SYNE3: variants seen among roughly 807,000 people sequenced by gnomAD.
SYNE3 encodes nesprin-3.
SYNE3 carries 100 observed loss-of-function variants against 111.2 expected under a neutral mutation model. The ratio of observed to expected loss-of-function variants is 0.90; its 90% CI spans 0.77 to 1.06. The LOEUF (loss-of-function observed/expected upper bound fraction) is 1.06. Ranked by LOEUF, SYNE3 falls within the 50% of genes least tolerant of loss-of-function variation. The pLI is 0.00. For synonymous variants in SYNE3, 547 were observed against 533.9 expected, an observed-to-expected ratio of 1.02 and a Z score of -0.34; for missense variants, 1,160 against 1,240.3, an observed-to-expected ratio of 0.94 and a Z score of 0.97.
In SYNE3 at chr14:95,481,845, G is replaced by T. The variant is rs544494157; in HGVS notation, c.-14-6010C>A. On this transcript the variant is annotated intron_variant, in intron 1 of 17. Coordinates refer to ENST00000682763, the MANE Select transcript of SYNE3 (RefSeq NM_152592.6). ...CCGAGATGCAATTTGGTCTCTGGGG[G>T]ACCAGGCTTGCAGGAAGGAAAGGAT... 5.3e-5 allele frequency among the ~76,000 whole-genome samples: 8 copies of T among 152,368 alleles called. No homozygotes were observed. The South Asian group carries it at 6.2e-4, about 12-fold the overall frequency.
intron 1 of SYNE3, among the ~76,000 whole-genome samples, chr14:95,504,863 T>G (rs1369613386): frequency 6.6e-6 from 1 of 151,938 alleles, no homozygotes; most frequent in East Asian, 1.9e-4. Context: ...AATAGGAGCC[T>G]CACACAATCA....
At chr14:95,482,038 C>T (rs559146981) in intron 1 of SYNE3, among the ~76,000 whole-genome samples, 28 of 152,360 alleles carry the variant, frequency 1.8e-4, no homozygotes, top group Middle Eastern at 3.4e-3. Context: ...TGGGTGGGGC[C>T]CCTACTTGGC....
chr14:95,452,962 A>G (rs1005632160), intron 6 of SYNE3, among the ~76,000 whole-genome samples: 7 of 152,152 alleles, frequency 4.6e-5, no homozygotes, highest in African/African-American at 1.7e-4. Flanking sequence ...AACATGTGCA[A>G]ACACTCCAGA....
intron 2 of SYNE3, among the ~76,000 whole-genome samples, chr14:95,473,264 T>A (rs998613128): frequency 6.6e-5 from 10 of 152,018 alleles, no homozygotes; most frequent in Non-Finnish European, 1.3e-4. Flanking sequence ...CCAGGGCCCA[T>A]CCACCCTGGT....
chr14:95,460,108 GCAA>G (rs1250327595), intron 4 of SYNE3, among the ~76,000 whole-genome samples: 3 of 152,102 alleles, frequency 2.0e-5, no homozygotes, highest in Non-Finnish European at 4.4e-5. Flanking sequence ...TCTCAAAACA[GCAA>G]CAACAACAAC....
At position 95,408,874 on chromosome 14, in the gene SYNE3, C is replaced by A. The variant is rs1689055246; in HGVS notation, c.*8952G>T. The A allele has an allele frequency of 2.9e-6, 1 of 339,884 alleles. No individual in the cohort carries two copies. Among genetic ancestry groups the A allele is most frequent in the Non-Finnish European group, 5.8e-6 (1 of 171,624 alleles). 21.1% of individuals were successfully genotyped at this position (339,884 alleles called of 1,614,324 possible). A position where few individuals can be genotyped will look rare whatever the true frequency, so the allele number is the denominator to read the frequency against. On this transcript the variant is annotated 3_prime_UTR_variant, in exon 18 of 18. Transcript: ENST00000682763. ...AAGCCAACTCTGTCCTCTGCCTGCCCCCGCAAGGGCTGGCCTGTCCGTGCT... is the reference window on the plus strand; with the variant it reads ...AAGCCAACTCTGTCCTCTGCCTGCCACCGCAAGGGCTGGCCTGTCCGTGCT...
At position 95,494,021 on chromosome 14, in the gene SYNE3, A is replaced by T. The variant is rs552105235; in HGVS notation, c.-14-18186T>A. On this transcript the variant is annotated intron_variant, in intron 1 of 17. Coordinates refer to ENST00000682763, the MANE Select transcript of SYNE3 (RefSeq NM_152592.6). ...TAGTAGCTGGGAGGCGAGAATTCAA[A>T]TCTAACACCATTTAGCCAGGTGTGG... Among the ~76,000 whole-genome samples the T allele has an allele frequency of 2.5e-4, 38 of 152,258 alleles. 1 individual carries two copies. The South Asian group carries it at 7.9e-3, about 32-fold the overall frequency.
rs139552759 is a variant in SYNE3, at chr14:95,489,929, T to C, written c.-14-14094A>G. Reference sequence around the variant, plus strand: ...TAAGAGGCTTCCTTCAGGCCACGAGTGGGGGCAGAACAGGCTCTGGAATGG... The same window carrying C: ...TAAGAGGCTTCCTTCAGGCCACGAGCGGGGGCAGAACAGGCTCTGGAATGG... On this transcript the variant is annotated intron_variant, in intron 1 of 17. Transcript: ENST00000682763. Among the ~76,000 whole-genome samples, 11 of 151,940 alleles carry C rather than the reference T, an allele frequency of 7.2e-5. No homozygotes were observed. In the East Asian group the frequency reaches 2.1e-3, roughly 29 times the overall value.
At chr14:95,488,322 A>T (rs975874390) in intron 1 of SYNE3, among the ~76,000 whole-genome samples, 3 of 152,308 alleles carry the variant, frequency 2.0e-5, no homozygotes, top group African/African-American at 7.2e-5. Flanking sequence ...AGATTCATCC[A>T]TGTCGTTGCC....
At chr14:95,418,642 C>T (rs1884893524) in intron 17 of SYNE3, among the ~76,000 whole-genome samples, 3 of 151,840 alleles carry the variant, frequency 2.0e-5, no homozygotes, top group Non-Finnish European at 4.4e-5. Flanking sequence ...CTCGCTCTGT[C>T]GCCCAGGCTG....
In SYNE3 at chr14:95,409,507, T is replaced by C. The variant is rs1365438106; in HGVS notation, c.*8319A>G. ...CGGGGGAAACCGAGGTCCCTCCTTA[T>C]GATTGCTGTCTCTCGGCTGGACAAG... On this transcript the variant is annotated 3_prime_UTR_variant, in exon 18 of 18. Coordinates refer to ENST00000682763, the MANE Select transcript of SYNE3 (RefSeq NM_152592.6). 2.5e-6 allele frequency: 1 copy of C among 406,076 alleles called. No homozygotes were observed. Among genetic ancestry groups the C allele is most frequent in the Non-Finnish European group, 4.9e-6 (1 of 205,602 alleles). 25.2% of individuals were successfully genotyped at this position (406,076 alleles called of 1,614,324 possible). A position where few individuals can be genotyped will look rare whatever the true frequency, so the allele number is the denominator to read the frequency against.
chr14:95,503,880 A>G (rs924785807), intron 1 of SYNE3, among the ~76,000 whole-genome samples: 1 of 152,078 alleles, frequency 6.6e-6, no homozygotes, highest in Non-Finnish European at 1.5e-5. Context: ...TCAGCCTTCC[A>G]AAGTGCTGGG....
chr14:95,443,206 G>C lies in SYNE3; in HGVS notation c.1860C>G (p.His620Gln), dbSNP rs539126470. 1.2e-6 allele frequency: 2 copies of C among 1,614,168 alleles called. No individual in the cohort carries two copies. Among genetic ancestry groups the C allele is most frequent in the African/African-American group, 2.7e-5 (2 of 75,058 alleles). The change falls in exon 11 of 18, where the codon CAC becomes CAG. Residue 620 changes from histidine to glutamine, a missense_variant. His to Gln is a conservative substitution (Grantham distance 24, BLOSUM62 0). Coordinates refer to ENST00000682763, the MANE Select transcript of SYNE3 (RefSeq NM_152592.6). Reference protein sequence around the residue: ...PLVQENPNHQHKMDQLSSDFQ... With the variant: ...PLVQENPNHQQKMDQLSSDFQ... ...AGTCGGAGGAAAGCTGGTCCATTTT[G>C]TGCTGGTGGTTGGGGTTCTCCTGGA...
At chr14:95,433,827 G>A (rs1476732007) in intron 15 of SYNE3, among the ~76,000 whole-genome samples, 1 of 152,186 alleles carries the variant, frequency 6.6e-6, no homozygotes, top group Non-Finnish European at 1.5e-5. Flanking sequence ...GTTCCCTTGG[G>A]ATGGAAACTT....
In SYNE3 at chr14:95,500,139, C is replaced by T. The variant is rs1193502207; in HGVS notation, c.-15+16457G>A. 2.6e-5 allele frequency among the ~76,000 whole-genome samples: 4 copies of T among 152,140 alleles called. No individual in the cohort carries two copies. The highest frequency in any genetic ancestry group is 1.3e-4 in the Admixed American group (2 of 15,280). On this transcript the variant is annotated intron_variant, in intron 1 of 17. Coordinates refer to ENST00000682763, the MANE Select transcript of SYNE3 (RefSeq NM_152592.6). This position sits in a 1 kb window ranked among gnomAD's most constrained non-coding sequence, Gnocchi z 4.7. ...CCTCCCAAAGTGCTGGGATTAAAGGCGTGAGCCACTGCGCCCGGCCTACCT... is the reference window on the plus strand; with the variant it reads ...CCTCCCAAAGTGCTGGGATTAAAGGTGTGAGCCACTGCGCCCGGCCTACCT...
intron 4 of SYNE3, among the ~76,000 whole-genome samples, chr14:95,459,940 AT>A (rs1248529335): frequency 6.6e-6 from 1 of 150,630 alleles, no homozygotes; most frequent in Non-Finnish European, 1.5e-5. Flanking sequence ...TCTACAAAAA[AT>A]TTAAAGATTA....
chr14:95,499,557 T>C (rs543530224), intron 1 of SYNE3, among the ~76,000 whole-genome samples: 157 of 152,308 alleles, frequency 1.0e-3, no homozygotes, highest in Middle Eastern at 3.4e-3. Flanking sequence ...TGTAGAGGAC[T>C]GGGAACTAAC....
At chr14:95,437,080 C>T (rs1886128799) in intron 14 of SYNE3, 99 bp from the exon 15 acceptor site, 2 of 1,479,414 alleles carry the variant, frequency 1.4e-6, no homozygotes, top group South Asian at 2.5e-5. Flanking sequence ...GGGACCAGGA[C>T]AAGATGCCCA....
intron 1 of SYNE3, among the ~76,000 whole-genome samples, chr14:95,505,577 T>C (rs1415431260): frequency 1.3e-5 from 2 of 152,236 alleles, no homozygotes; most frequent in Admixed American, 6.5e-5. Flanking sequence ...TGCAGACACA[T>C]CTACATCTTT....
Sources: gnomAD v4.1 joint callset for allele counts (sites outside exome capture counted in the v4.1 genomes callset) on GRCh38, gnomAD v4.1.1 for gene constraint, Gnocchi (gnomAD v3.1) non-coding constraint, MANE v1.5 for transcripts, NCBI Gene and HGNC (gene_info 2026-07-23, HGNC 2026-07-21) for gene names.